ESR1: variants seen among roughly 807,000 people sequenced by gnomAD.
The protein encoded by ESR1 is estrogen receptor 1, also known as estrogen receptor.
In ESR1, 12 loss-of-function variants were observed where a neutral mutation model predicts 52.7. The observed-to-expected ratio is 0.23, with a 90% CI of 0.15 to 0.37. The LOEUF (loss-of-function observed/expected upper bound fraction) is 0.37. Ranked by LOEUF, ESR1 falls within the 10% of genes least tolerant of loss-of-function variation. The pLI is 1.00. For synonymous variants in ESR1, 305 were observed against 316.8 expected (o/e 0.96, Z 0.39); for missense variants, 584 against 779.7 (o/e 0.75, Z 2.99).
At position 152,094,786 on chromosome 6, in the gene ESR1, G is replaced by A. The variant is rs1011202512; in HGVS notation, c.1553+218G>A. Among the ~76,000 whole-genome samples the A allele has an allele frequency of 3.3e-5, 5 of 152,232 alleles. No homozygotes were observed. The highest frequency in any genetic ancestry group is 1.2e-4 in the African/African-American group (5 of 41,452). The stretch of plus-strand genomic sequence containing the variant: ...AAGTGTCAGAGAAGGCATAGAGGAA[G>A]CGATACTTACGCTTGGTTTAAAGCA... On this transcript the variant is annotated intron_variant, in intron 7 of 7. Transcript: ENST00000206249. The surrounding 1 kb of genome is among the most constrained non-coding windows in gnomAD (Gnocchi z 4.6).
chr6:151,925,610 AATAC>A (rs970226828), intron 3 of ESR1, among the ~76,000 whole-genome samples: 18 of 152,132 alleles, frequency 1.2e-4, no homozygotes, highest in African/African-American at 3.4e-4. Flanking sequence ...TCCATCTCAA[AATAC>A]ATACATACAT....
intron 1 of ESR1, among the ~76,000 whole-genome samples, chr6:151,838,120 C>G (rs1359769044): frequency 6.6e-6 from 1 of 152,196 alleles, no homozygotes; most frequent in Non-Finnish European, 1.5e-5. Flanking sequence ...CTGTCCCAGC[C>G]TCCTGAGTAG....
chr6:152,055,630 A>G lies in ESR1; in HGVS notation c.1236-5361A>G, dbSNP rs537515494. 2.0e-5 allele frequency among the ~76,000 whole-genome samples: 3 copies of G among 151,918 alleles called. No individual in the cohort carries two copies. In the East Asian group the frequency reaches 5.8e-4, roughly 29 times the overall value. ...CTTTGATCTTGCTCCATTCCCTTCC[A>G]TTTTTGCTTGAGAATCATTCAGTTC... is the stretch of plus-strand genomic sequence containing the variant. On this transcript the variant is annotated intron_variant, in intron 5 of 7. Transcript: ENST00000206249.
chr6:151,859,540 G>A (rs989654762), intron 2 of ESR1, among the ~76,000 whole-genome samples: 1 of 152,060 alleles, frequency 6.6e-6, no homozygotes, highest in African/African-American at 2.4e-5. Flanking sequence ...ACAGACCCAG[G>A]GACTCAGACC....
chr6:151,846,840 G>A (rs1785203725), intron 2 of ESR1, among the ~76,000 whole-genome samples: 1 of 152,178 alleles, frequency 6.6e-6, no homozygotes, highest in South Asian at 2.1e-4. Flanking sequence ...CTTAAGATGT[G>A]TTTTAGACAG....
intron 2 of ESR1, among the ~76,000 whole-genome samples, chr6:151,783,629 A>T (rs1304786048): frequency 6.6e-6 from 1 of 152,260 alleles, no homozygotes; most frequent in East Asian, 1.9e-4. Context: ...TTGGGAAGAC[A>T]GTAGAGATTT....
At chr6:152,019,534 G>T (rs184915851) in intron 5 of ESR1, among the ~76,000 whole-genome samples, 8 of 152,340 alleles carry the variant, frequency 5.3e-5, no homozygotes, top group Admixed American at 5.2e-4. Flanking sequence ...AGAGGGAAAG[G>T]CGTGAGCCCA....
chr6:151,885,053 C>G (rs571252770), intron 3 of ESR1, among the ~76,000 whole-genome samples: 1 of 151,974 alleles, frequency 6.6e-6, no homozygotes, highest in Non-Finnish European at 1.5e-5. Context: ...TCTTGTTTAC[C>G]GATCTTGCAT....
At chr6:152,025,444 A>G (rs117625238) in intron 5 of ESR1, among the ~76,000 whole-genome samples, 2,530 of 151,918 alleles carry the variant, frequency 0.017, 27 homozygotes, top group East Asian at 0.029. Context: ...TAGACTTTCT[A>G]TTCCTTCTGG....
intron 2 of ESR1, among the ~76,000 whole-genome samples, chr6:151,719,423 T>TGA (rs1335010297): frequency 8.6e-5 from 13 of 151,992 alleles, no homozygotes. Context: ...CATGAGGAAG[T>TGA]GAGACAGTCG....
At chr6:152,027,953 A>G (rs1211655369) in intron 5 of ESR1, among the ~76,000 whole-genome samples, 6 of 152,010 alleles carry the variant, frequency 3.9e-5, no homozygotes, top group Non-Finnish European at 7.4e-5. Flanking sequence ...ACCATCCTGG[A>G]TAACATGGTG....
At chr6:152,105,675 C>T (rs1040519156), downstream of ESR1, among the ~76,000 whole-genome samples, 2 of 152,046 alleles carry the variant, frequency 1.3e-5, no homozygotes, top group Non-Finnish European at 2.9e-5. Context: ...ATCCGCCTGC[C>T]TCAGCCTCCC....
chr6:151,808,189 G>T lies in ESR1; in HGVS notation c.277G>T (p.Gly93Cys), dbSNP rs756964962. Residue 93 changes from glycine (G) to cysteine (C), a missense_variant, in exon 1 of 8, where the codon GGC becomes TGC. This residue lies in a region of ESR1 where 251 missense variants were observed against 246.1 expected (regional missense o/e 1.02). Transcript: ENST00000206249. ...GSEAAAFGSN[G>C]LGGFPPLNSV... ...TGAGGCTGCGGCGTTCGGCTCCAAC[G>T]GCCTGGGGGGTTTCCCCCCACTCAA... 6.3e-7 allele frequency: 1 copy of T among 1,577,270 alleles called. No homozygotes were observed. Among genetic ancestry groups the T allele is most frequent in the Non-Finnish European group, 8.6e-7 (1 of 1,161,434 alleles).
chr6:152,086,111 G>A (rs1306054875), intron 6 of ESR1, among the ~76,000 whole-genome samples: 2 of 152,206 alleles, frequency 1.3e-5, no homozygotes, highest in South Asian at 2.1e-4. Flanking sequence ...GAAGTTCCAC[G>A]TGGAACCTTC....
intron 5 of ESR1, among the ~76,000 whole-genome samples, chr6:152,031,450 A>G (rs9478267): frequency 5.3e-5 from 8 of 152,344 alleles, no homozygotes; most frequent in South Asian, 2.1e-4. Flanking sequence ...AAAATGATAA[A>G]GGGGATATCA....
chr6:151,863,326 T>G (rs1318148264), intron 2 of ESR1, among the ~76,000 whole-genome samples: 1 of 152,214 alleles, frequency 6.6e-6, no homozygotes, highest in Non-Finnish European at 1.5e-5. Flanking sequence ...CATTGAGCAG[T>G]GGTTTTGTGG....
At position 151,849,966 on chromosome 6, in the gene ESR1, T is replaced by A. The variant is rs1326452238; in HGVS notation, c.643+7179T>A. On this transcript the variant is annotated intron_variant, in intron 2 of 7. Coordinates refer to ENST00000206249, the MANE Select transcript of ESR1 (RefSeq NM_000125.4). The stretch of plus-strand genomic sequence containing the variant: ...TCTTCATCCTTCTCTTTCCACCTAG[T>A]TTCCTAGGGAATTATATATATATAT... Among the ~76,000 whole-genome samples the A allele has an allele frequency of 2.5e-4, 26 of 102,336 alleles. 1 individual carries two copies. In the Admixed American group the frequency reaches 2.9e-3, roughly 11 times the overall value. The allele number at this position is 102,336 out of a possible 152,430, so 67.1% of individuals were successfully genotyped here.
intron 2 of ESR1, among the ~76,000 whole-genome samples, chr6:151,739,936 ATTTAT>A (rs1782954738): frequency 6.6e-6 from 1 of 151,970 alleles, no homozygotes; most frequent in South Asian, 2.1e-4. Flanking sequence ...ATCCAGCAAT[ATTTAT>A]TGAGAACCAA....
At chr6:152,080,052 A>C (rs1185772057) in intron 6 of ESR1, among the ~76,000 whole-genome samples, 1 of 152,222 alleles carries the variant, frequency 6.6e-6, no homozygotes, top group Non-Finnish European at 1.5e-5. Flanking sequence ...GAATGGAACC[A>C]AGTTAGAAAA....
Sources: gnomAD v4.1 joint callset for allele counts (sites outside exome capture counted in the v4.1 genomes callset) on GRCh38, gnomAD v4.1.1 for gene constraint, gnomAD v4.1.1 regional missense constraint, Gnocchi (gnomAD v3.1) non-coding constraint, MANE v1.5 for transcripts, NCBI Gene and HGNC (gene_info 2026-07-23, HGNC 2026-07-21) for gene names.